The following CLIC4 variants were observed in gnomAD, a reference collection of about 807,000 sequenced individuals.
The protein encoded by CLIC4 is chloride intracellular channel protein 4.
CLIC4 carries 13 observed loss-of-function variants against 24.6 expected under a neutral mutation model. That is an observed-to-expected ratio of 0.53 (90% CI 0.34 to 0.84). The LOEUF is 0.84. Among genes scored for constraint, CLIC4 ranks in the 40% least tolerant of loss-of-function variants. The pLI is 0.01. For synonymous variants in CLIC4, 104 were observed against 111.3 expected (o/e 0.93, Z 0.41); for missense variants, 227 against 301.7 (o/e 0.75, Z 1.83).
chr1:24,755,149 G>A (rs1398090061), intron 1 of CLIC4, among the ~76,000 whole-genome samples: 1 of 151,028 alleles, frequency 6.6e-6, no homozygotes, highest in Non-Finnish European at 1.5e-5. Flanking sequence ...TGTATTTTTA[G>A]TAGAGATGGG....
At chr1:24,774,512 G>C (rs751757729) in intron 1 of CLIC4, among the ~76,000 whole-genome samples, 36 of 152,118 alleles carry the variant, frequency 2.4e-4, no homozygotes, top group Non-Finnish European at 5.0e-4. Flanking sequence ...AAATGTTCTT[G>C]ACTGGGCGTG....
At chr1:24,813,288 T>G (rs1457290512) in intron 2 of CLIC4, among the ~76,000 whole-genome samples, 1 of 151,156 alleles carries the variant, frequency 6.6e-6, no homozygotes, top group Non-Finnish European at 1.5e-5. Context: ...GTGATCCTCC[T>G]GCCTTGGCCT....
chr1:24,794,464 A>G (rs927805939), intron 1 of CLIC4, among the ~76,000 whole-genome samples: 14 of 150,450 alleles, frequency 9.3e-5, no homozygotes, highest in African/African-American at 3.2e-4. Flanking sequence ...TTTTTTTCAT[A>G]TGCTTGTTGG....
At chr1:24,793,723 A>T (rs372318496) in intron 1 of CLIC4, among the ~76,000 whole-genome samples, 1 of 150,902 alleles carries the variant, frequency 6.6e-6, no homozygotes. Flanking sequence ...TTTTTTTCTT[A>T]AACCAAGCTC....
At chr1:24,828,958 A>G (rs1015222330) in intron 4 of CLIC4, among the ~76,000 whole-genome samples, 17 of 152,176 alleles carry the variant, frequency 1.1e-4, no homozygotes, top group African/African-American at 3.4e-4. Context: ...AGGCCATGAC[A>G]CTTTAGAAAA....
chr1:24,816,117 TC>T (rs1188889028), intron 3 of CLIC4, among the ~76,000 whole-genome samples: 2 of 151,986 alleles, frequency 1.3e-5, no homozygotes, highest in African/African-American at 2.4e-5. Context: ...ATGTAGTTCC[TC>T]CCTCCACTGA....
chr1:24,790,154 C>G (rs1263780837), intron 1 of CLIC4, among the ~76,000 whole-genome samples: 1 of 152,248 alleles, frequency 6.6e-6, no homozygotes, highest in African/African-American at 2.4e-5. Context: ...TCACTACAAC[C>G]TCTGCCTGCC....
intron 2 of CLIC4, among the ~76,000 whole-genome samples, chr1:24,805,106 C>G: frequency 1.2e-5 from 1 of 86,870 alleles, no homozygotes; most frequent in East Asian, 2.9e-4. Context: ...AAAAAAAAAA[C>G]ACAAAAACAA....
At chr1:24,757,669 A>G (rs1216011370) in intron 1 of CLIC4, among the ~76,000 whole-genome samples, 1 of 152,224 alleles carries the variant, frequency 6.6e-6, no homozygotes, top group Non-Finnish European at 1.5e-5. Context: ...TAGGAAAAAA[A>G]AGAAGGTGAT....
At chr1:24,748,909 C>T (rs1638740516) in intron 1 of CLIC4, among the ~76,000 whole-genome samples, 1 of 151,002 alleles carries the variant, frequency 6.6e-6, no homozygotes, top group East Asian at 1.9e-4. Flanking sequence ...GGGGAAATAC[C>T]CTTGTAAATA....
intron 1 of CLIC4, among the ~76,000 whole-genome samples, chr1:24,762,118 G>C (rs1488952183): frequency 6.6e-6 from 1 of 152,010 alleles, no homozygotes; most frequent in Non-Finnish European, 1.5e-5. Context: ...TAGAATATTT[G>C]GTATTTAAAG....
At chr1:24,799,127 C>T (rs1372962555) in intron 2 of CLIC4, among the ~76,000 whole-genome samples, 1 of 150,064 alleles carries the variant, frequency 6.7e-6, no homozygotes, top group African/African-American at 2.5e-5. Context: ...TGTGAGGAGC[C>T]CCTCTGCCTG....
At chr1:24,772,705 T>C (rs1041756614) in intron 1 of CLIC4, among the ~76,000 whole-genome samples, 1 of 152,176 alleles carries the variant, frequency 6.6e-6, no homozygotes, top group Non-Finnish European at 1.5e-5. Context: ...AGGCTGGTCT[T>C]GAACCCCTGA....
intron 1 of CLIC4, among the ~76,000 whole-genome samples, chr1:24,751,303 G>A (rs527887137): frequency 2.7e-5 from 4 of 146,268 alleles, no homozygotes; most frequent in South Asian, 2.3e-4. Flanking sequence ...TCTGTCTCCC[G>A]AGTTCAAGCG....
intron 1 of CLIC4, among the ~76,000 whole-genome samples, chr1:24,768,903 C>G (rs1289535068): frequency 2.8e-5 from 3 of 107,300 alleles, no homozygotes; most frequent in East Asian, 2.7e-4. Flanking sequence ...TCTGCCTCAC[C>G]AAAAAAAAAA....
At chr1:24,754,232 A>G (rs943821938) in intron 1 of CLIC4, among the ~76,000 whole-genome samples, 1 of 152,242 alleles carries the variant, frequency 6.6e-6, no homozygotes, top group Non-Finnish European at 1.5e-5. Context: ...CTTTGAGCCT[A>G]GGAGACTGAG....
chr1:24,767,883 G>A lies in CLIC4; in HGVS notation c.72+22258G>A, dbSNP rs931971440. On this transcript the variant is annotated intron_variant, in intron 1 of 5. Transcript: ENST00000374379. ...TTTTGGCATGGAGTTCCGCTCTGTCGCCCAGGCTGGAGTGCAGTGGCATGA... is the reference window on the plus strand; with the variant it reads ...TTTTGGCATGGAGTTCCGCTCTGTCACCCAGGCTGGAGTGCAGTGGCATGA... Among the ~76,000 whole-genome samples the A allele has an allele frequency of 4.0e-5, 6 of 151,318 alleles. No homozygotes were observed. In the East Asian group the frequency reaches 9.7e-4, roughly 24 times the overall value.
intron 4 of CLIC4, among the ~76,000 whole-genome samples, chr1:24,836,683 C>T (rs992820395): frequency 6.6e-6 from 1 of 151,904 alleles, no homozygotes; most frequent in African/African-American, 2.4e-5. Context: ...ACAAAAAATA[C>T]AAAAATTTGA....
At chr1:24,762,381 G>GC in intron 1 of CLIC4, among the ~76,000 whole-genome samples, 1 of 152,312 alleles carries the variant, frequency 6.6e-6, no homozygotes, top group East Asian at 1.9e-4. Context: ...ATATGATCAT[G>GC]CCACTGCACT....
Sources: allele counts gnomAD v4.1 joint callset (sites outside exome capture counted in the v4.1 genomes callset), GRCh38; gene constraint gnomAD v4.1.1; transcripts MANE v1.5; gene names NCBI Gene and HGNC (gene_info 2026-07-23, HGNC 2026-07-21).